Variants in TOMM40 observed in about 807,000 individuals in gnomAD.
The protein encoded by TOMM40 is translocase of outer mitochondrial membrane 40.
In TOMM40, 9 loss-of-function variants were observed where a neutral mutation model predicts 38.4. The observed-to-expected ratio is 0.23, with a 90% CI of 0.14 to 0.41. TOMM40 has a LOEUF of 0.41. Among genes scored for constraint, TOMM40 ranks in the 10% least tolerant of loss-of-function variants. TOMM40 has a pLI of 1.00. For missense variants in TOMM40, 299 were observed against 486.5 expected (o/e 0.61, Z 3.63); for synonymous variants, 184 against 210.0 (o/e 0.88, Z 1.07).
At position 44,898,661 on chromosome 19, in the gene TOMM40, C is replaced by T. The variant is rs139988932; in HGVS notation, c.644-2069C>T. On this transcript the variant is annotated intron_variant, in intron 5 of 8. Coordinates refer to ENST00000426677, the MANE Select transcript of TOMM40 (RefSeq NM_001128917.2). ...CAAGCGATTCTCCTGCCTCAGCCTC[C>T]TGAGTAGCTGGGACTACAGGTGTGC... 7.3e-3 allele frequency among the ~76,000 whole-genome samples: 1,103 copies of T among 151,734 alleles called. 13 individuals are homozygous for T. The highest frequency in any genetic ancestry group is 0.026 in the African/African-American group (1,064 of 41,396).
chr19:44,893,682 A>C (rs1599936294), intron 3 of TOMM40, 98 bp from the exon 4 acceptor site: 1 of 989,530 alleles, frequency 1.0e-6, no homozygotes, highest in East Asian at 2.9e-5. Flanking sequence ...GGGGACCCCC[A>C]TCCGAGGCTT....
intron 5 of TOMM40, among the ~76,000 whole-genome samples, chr19:44,899,791 CTTTTTTTTTTTTTTTTTTTTT>C (rs10524523): frequency 2.2e-4 from 20 of 90,984 alleles, no homozygotes; most frequent in East Asian, 4.2e-4. Flanking sequence ...TTGCATCTGG[CTTTTTTTTTTTTTTTTTTTTT>C]TTTTTTTTTT....
At chr19:44,901,805 A>G (rs1038026) in intron 8 of TOMM40, 78,811 of 152,738 alleles carry the variant, frequency 0.52, 20,913 homozygotes, top group African/African-American at 0.65. Flanking sequence ...TAGGTAGAGC[A>G]GCCAGGCGTG....
Position 44,891,458 on chromosome 19 carries a change from C to A in TOMM40, c.43C>A (p.Pro15Thr). Residue 15 changes from proline (P) to threonine (T), a missense_variant, in exon 1 of 9, where the codon CCA (proline) becomes ACA (threonine). Physicochemically the swap from Pro to Thr is conservative, Grantham distance 38. Coordinates refer to ENST00000426677, the MANE Select transcript of TOMM40 (RefSeq NM_001128917.2). ...TGCCAGCTCGCCGCCCGCAGGGCCG[C>A]CACCGCCGCCTGCGCCGGCCCTCGT... ...LAASSPPAGP[P>T]PPPAPALVGL... The A allele has an allele frequency of 7.7e-7, 1 of 1,298,988 alleles. No homozygotes were observed. The allele number at this position is 1,298,988 out of a possible 1,614,324, so 80.5% of individuals were successfully genotyped here.
intron 3 of TOMM40, 117 bp from the exon 4 acceptor site, chr19:44,893,663 C>A: frequency 2.6e-6 from 2 of 781,886 alleles, no homozygotes; most frequent in Non-Finnish European, 2.0e-6. Flanking sequence ...GAGAGCACTT[C>A]GTGGAGGAGG....
At chr19:44,894,114 C>A in intron 5 of TOMM40, 48 bp downstream of exon 5, 1 of 1,401,256 alleles carries the variant, frequency 7.1e-7, no homozygotes, top group Non-Finnish European at 9.6e-7. Flanking sequence ...GCAGTTCTGG[C>A]TTTGCCAGCA....
intron 1 of TOMM40, 108 bp downstream of exon 1, chr19:44,891,797 A>G: frequency 1.7e-6 from 2 of 1,166,982 alleles, no homozygotes; most frequent in South Asian, 2.2e-5. Flanking sequence ...ATTATTTAAC[A>G]GCACTAGGAG....
chr19:44,903,414 C>T lies in TOMM40; in HGVS notation c.*245C>T, dbSNP rs1220358223. ...TGGGCCTGGGGTCCCGGGAGGGATT[C>T]CGGAATTGAGGGGCACGCAGGATTC... On this transcript the variant is annotated 3_prime_UTR_variant, in exon 9 of 9. Transcript: ENST00000426677. 4.6e-5 allele frequency: 20 copies of T among 435,270 alleles called. No homozygotes were observed. Among genetic ancestry groups the T allele is most frequent in the Non-Finnish European group, 8.2e-6 (2 of 244,666 alleles). 27.0% of individuals were successfully genotyped at this position (435,270 alleles called of 1,614,324 possible).
At chr19:44,900,450 G>A (rs1485825551) in intron 5 of TOMM40, among the ~76,000 whole-genome samples, 1 of 152,180 alleles carries the variant, frequency 6.6e-6, no homozygotes, top group African/African-American at 2.4e-5. Context: ...TTCTATAAGT[G>A]GTGGTGACCC....
Position 44,901,296 on chromosome 19 carries a change from ACCT to A in TOMM40, c.937_939del (p.Leu313del). 1 of 1,613,870 alleles carries A rather than the reference ACCT, an allele frequency of 6.2e-7. No homozygotes were observed. Among genetic ancestry groups the A allele is most frequent in the Non-Finnish European group, 8.5e-7 (1 of 1,179,912 alleles). ...TACCAGCTGGACCTGCCCAAGGCCA[ACCT>A]CCTCTTCAAAGGTAAAGGTCTCGGT... On this transcript the variant is annotated inframe_deletion, in exon 8 of 9. Transcript: ENST00000426677.
intron 1 of TOMM40, among the ~76,000 whole-genome samples, chr19:44,892,008 C>CAA (rs1969476125): frequency 6.6e-6 from 1 of 151,734 alleles, no homozygotes; most frequent in South Asian, 2.1e-4. Context: ...AAGGTGTCAG[C>CAA]GAGGTTCCTT....
In TOMM40 at chr19:44,900,829, T is replaced by C; in HGVS notation, c.743T>C (p.Met248Thr). 1 of 1,614,068 alleles carries C rather than the reference T, an allele frequency of 6.2e-7. No individual in the cohort carries two copies. Among genetic ancestry groups the C allele is most frequent in the Non-Finnish European group, 8.5e-7 (1 of 1,179,994 alleles). The change falls in exon 6 of 9, where the codon ATG becomes ACG. Residue 248 changes from methionine (M) to threonine (T), a missense_variant. Coordinates refer to ENST00000426677, the MANE Select transcript of TOMM40 (RefSeq NM_001128917.2). ...CGGCCTGGAGAGGAGGGCACTGTCA[T>C]GTCTCTAGCTGGGAAATACACATGT... ...HRRPGEEGTV[M>T]SLAGKYTLNN...
At chr19:44,900,930 G>A (rs1969668254) in intron 6 of TOMM40, 78 bp downstream of exon 6, 18 of 1,609,882 alleles carry the variant, frequency 1.1e-5, no homozygotes, top group Non-Finnish European at 1.5e-5. Flanking sequence ...GGACGGGCTA[G>A]GGCCCTGGAC....
intron 8 of TOMM40, chr19:44,902,652 A>G (rs1336247804): frequency 6.0e-6 from 1 of 167,130 alleles, no homozygotes; most frequent in African/African-American, 2.4e-5. Context: ...GTCTTCTTGG[A>G]TATCTGTGGC....
At chr19:44,891,897 T>A (rs967192401) in intron 1 of TOMM40, among the ~76,000 whole-genome samples, 1 of 152,020 alleles carries the variant, frequency 6.6e-6, no homozygotes, top group Admixed American at 6.6e-5. Flanking sequence ...GTCATAGCAG[T>A]AGAGAAAAGC....
chr19:44,901,351 G>A, intron 8 of TOMM40, 41 bp downstream of exon 8: 1 of 1,589,352 alleles, frequency 6.3e-7, no homozygotes, highest in Non-Finnish European at 8.6e-7. Flanking sequence ...CAGGCAGGAG[G>A]TGACTCAACT....
chr19:44,893,018 G>C (rs1156864127), intron 3 of TOMM40, 89 bp downstream of exon 3: 1 of 1,096,948 alleles, frequency 9.1e-7, no homozygotes, highest in Admixed American at 2.2e-5. Flanking sequence ...ATCAGGAAAA[G>C]GTCACAGCTA....
At chr19:44,901,000 A>AC (rs1259990317) in intron 6 of TOMM40, 28 bp from the exon 7 acceptor site, 17 of 1,613,134 alleles carry the variant, frequency 1.1e-5, no homozygotes, top group Non-Finnish European at 1.4e-5. Flanking sequence ...TGGTAATGAG[A>AC]CCCCGCCTCC....
rs770485248 is a variant in TOMM40, at chr19:44,901,188, T to G, written c.844-20T>G. 1.4e-5 allele frequency: 23 copies of G among 1,613,918 alleles called. No homozygotes were observed. Among genetic ancestry groups the G allele is most frequent in the Admixed American group, 8.3e-5 (5 of 59,984 alleles). The stretch of plus-strand genomic sequence containing the variant: ...GTGGGGCCACTTGCTAATTCTCATG[T>G]GTTGCTCCGGCCCCTCCAGCTGCAG... On this transcript the variant is annotated intron_variant, in intron 7 of 8. Transcript: ENST00000426677.
Sources: allele counts gnomAD v4.1 joint callset (sites outside exome capture counted in the v4.1 genomes callset), GRCh38; gene constraint gnomAD v4.1.1; transcripts MANE v1.5; gene names NCBI Gene and HGNC (gene_info 2026-07-23, HGNC 2026-07-21).